Variants in C1QTNF8 observed in about 807,000 individuals in gnomAD.
The protein encoded by C1QTNF8 is complement C1q tumor necrosis factor-related protein 8.
A neutral mutation model predicts 19.2 loss-of-function variants in C1QTNF8; 27 were observed. That is an observed-to-expected ratio of 1.41 (90% CI 1.04 to 1.94). The LOEUF (loss-of-function observed/expected upper bound fraction) is 1.94. Among genes scored for constraint, C1QTNF8 ranks in the 30% most tolerant of loss-of-function variants. The pLI is 0.00. For missense variants in C1QTNF8, 484 were observed against 374.4 expected, an observed-to-expected ratio of 1.29 and a Z score of -2.42; for synonymous variants, 208 against 172.8, an observed-to-expected ratio of 1.20 and a Z score of -1.60.
At chr16:1,092,319 C>T (rs1395332591) in intron 4 of C1QTNF8, among the ~76,000 whole-genome samples, 6 of 151,888 alleles carry the variant, frequency 4.0e-5, no homozygotes, top group African/African-American at 9.7e-5. Context: ...ACACAGTCGG[C>T]GCTCAATCAA....
rs202082300 is a variant in C1QTNF8 at position 1,093,614 on chromosome 16, C to T, written c.646G>A (p.Ala216Thr). 3.7e-6 allele frequency: 6 copies of T among 1,604,750 alleles called. No individual in the cohort carries two copies. The South Asian group carries it at 5.5e-5, about 15-fold the overall frequency. The change falls in exon 4 of 5, where the codon GCC becomes ACC. Residue 216 changes from alanine to threonine, a missense_variant. Physicochemically the swap from Ala to Thr is moderately conservative, Grantham distance 58 (BLOSUM62 0). Coordinates refer to ENST00000328449, the MANE Select transcript of C1QTNF8 (RefSeq NM_207419.3). ...SLMLLLAAGD[A>T]VWVRMFQRDR... ...CGCTGGAACATGCGCACCCAGACGG[C>T]GTCGCCCGCCGCCAGCAGCAGCATC...
At chr16:1,095,150 G>A (rs1299698825) in intron 2 of C1QTNF8, among the ~76,000 whole-genome samples, 1 of 152,236 alleles carries the variant, frequency 6.6e-6, no homozygotes, top group African/African-American at 2.4e-5. Flanking sequence ...TGCACACCTG[G>A]AGTCGGGGAG....
chr16:1,092,585 C>G (rs112723055), intron 4 of C1QTNF8, among the ~76,000 whole-genome samples: 6 of 105,242 alleles, frequency 5.7e-5, no homozygotes, highest in Admixed American at 9.1e-5. Context: ...CAACCAATCC[C>G]TGCACACAGT....
chr16:1,093,866 G>T lies in C1QTNF8; in HGVS notation c.394C>A (p.His132Asn). The change falls in exon 4 of 5, where the codon CAC becomes AAC. Residue 132 changes from histidine (H) to asparagine (N), a missense_variant. By Grantham distance (68) the His-to-Asn change is moderately conservative. Transcript: ENST00000328449. Reference protein sequence around the residue: ...GRREGLHSSDHFQAVPFDTEL... With the variant: ...GRREGLHSSDNFQAVPFDTEL... ...GTGTCGAAGGGCACCGCCTGGAAGTGGTCGGAGCTGTGCAGGCCCTCGCGC... is the reference window on the plus strand; with the variant it reads ...GTGTCGAAGGGCACCGCCTGGAAGTTGTCGGAGCTGTGCAGGCCCTCGCGC... 1.2e-6 allele frequency: 2 copies of T among 1,600,522 alleles called. No individual in the cohort carries two copies. Among genetic ancestry groups the T allele is most frequent in the South Asian group, 2.2e-5 (2 of 90,886 alleles).
rs568278375 is a variant in C1QTNF8, at chr16:1,089,583, C to G, written c.*1016G>C. On this transcript the variant is annotated 3_prime_UTR_variant, in exon 5 of 5. Transcript: ENST00000328449. ...CGGGCTCTGTGTGGGGTGGGCGGGA[C>G]GTGGCTGCAGCCTGGCTCTGCCTGC... is the stretch of plus-strand genomic sequence containing the variant. Among the ~76,000 whole-genome samples the G allele has an allele frequency of 1.3e-5, 2 of 152,310 alleles. No individual in the cohort carries two copies. Among genetic ancestry groups the G allele is most frequent in the East Asian group, 3.9e-4 (2 of 5,168 alleles).
rs758823535 is a variant in C1QTNF8, at chr16:1,093,525, CAGGTGGCCGCTGAAGGTGATGTAG to C, written c.711_734del (p.Tyr238_Leu245del). The C allele has an allele frequency of 3.9e-6, 6 of 1,549,880 alleles. No individual in the cohort carries two copies. The South Asian group carries it at 7.1e-5, about 18-fold the overall frequency. ...GCTACAGCTCGGCGGCCGGCTTGAC[CAGGTGGCCGCTGAAGGTGATGTAG>C]AGGTCTCCGTGCTCGCCGTAGATGG... On this transcript the variant is annotated inframe_deletion, in exon 4 of 5. Coordinates refer to ENST00000328449, the MANE Select transcript of C1QTNF8 (RefSeq NM_207419.3).
chr16:1,089,146 A>C lies in C1QTNF8; in HGVS notation c.*1453T>G, dbSNP rs1960492235. 6.6e-6 allele frequency among the ~76,000 whole-genome samples: 1 copy of C among 152,116 alleles called. No individual in the cohort carries two copies. Among genetic ancestry groups the C allele is most frequent in the Non-Finnish European group, 1.5e-5 (1 of 67,982 alleles). Reference sequence around the variant, plus strand: ...GTCTGGGATTCTGGGGTGCTTCCCCAGCACAGAACAGGCAGCCTGCGAGAG... The same window carrying C: ...GTCTGGGATTCTGGGGTGCTTCCCCCGCACAGAACAGGCAGCCTGCGAGAG... On this transcript the variant is annotated 3_prime_UTR_variant, in exon 5 of 5. Transcript: ENST00000328449.
At chr16:1,094,619 CT>C (rs1454696019) in intron 3 of C1QTNF8, 95 bp downstream of exon 3, 2 of 1,020,420 alleles carry the variant, frequency 2.0e-6, no homozygotes, top group African/African-American at 3.3e-5. Context: ...CAGCGTGCCC[CT>C]CCCGCCCCTC....
intron 3 of C1QTNF8, 116 bp downstream of exon 3, chr16:1,094,599 C>A: frequency 1.3e-6 from 1 of 775,650 alleles, no homozygotes; most frequent in Non-Finnish European, 2.0e-6. Context: ...CCAGGGCAGA[C>A]ACTGGTGCTC....
At chr16:1,091,224 C>A (rs982554999) in intron 4 of C1QTNF8, among the ~76,000 whole-genome samples, 1 of 152,176 alleles carries the variant, frequency 6.6e-6, no homozygotes, top group Non-Finnish European at 1.5e-5. Context: ...CATGAGCCCA[C>A]GCTGGGTGCA....
intron 2 of C1QTNF8, among the ~76,000 whole-genome samples, chr16:1,095,361 G>C (rs1488769122): frequency 6.6e-6 from 1 of 152,206 alleles, no homozygotes. Context: ...CCTGGGGTGG[G>C]GGGCCCTGCA....
In C1QTNF8 at chr16:1,096,142, G is replaced by A. The variant is rs1960682035; in HGVS notation, c.-186+14C>T. The A allele has an allele frequency of 1.3e-5, 2 of 152,318 alleles. No homozygotes were observed. Among genetic ancestry groups the A allele is most frequent in the African/African-American group, 4.8e-5 (2 of 41,470 alleles). 9.4% of individuals were successfully genotyped at this position (152,318 alleles called of 1,614,324 possible). On this transcript the variant is annotated intron_variant, in intron 1 of 4. Transcript: ENST00000328449. The stretch of plus-strand genomic sequence containing the variant: ...CCCTGTGCTTCCTGTTACCGTCTCA[G>A]GGATGCTCCCTGCCTGGCCGGCCGT...
rs1046455486 is a variant in C1QTNF8 at position 1,089,944 on chromosome 16, C to G, written c.*655G>C. 1 of 152,398 alleles carries G rather than the reference C, an allele frequency of 6.6e-6. No individual in the cohort carries two copies. Among genetic ancestry groups the G allele is most frequent in the Non-Finnish European group, 1.5e-5 (1 of 68,188 alleles). The allele number at this position is 152,398 out of a possible 1,614,324, so 9.4% of individuals were successfully genotyped here. A position where few individuals can be genotyped will look rare whatever the true frequency, so the allele number is the denominator to read the frequency against. ...GCGCCCTGGGTGTGTCCCGCTATCC[C>G]AGCCAGGAGCAGACTCAGGCCCTGG... On this transcript the variant is annotated 3_prime_UTR_variant, in exon 5 of 5. Transcript: ENST00000328449.
intron 2 of C1QTNF8, among the ~76,000 whole-genome samples, chr16:1,095,387 C>T (rs1401226332): frequency 1.3e-5 from 2 of 152,182 alleles, no homozygotes; most frequent in African/African-American, 4.8e-5. Context: ...CACAGAGGCA[C>T]CGTCTCAGCC....
rs1960626487 is a variant in C1QTNF8, at chr16:1,093,889, C to T, written c.371G>A (p.Arg124His). Residue 124 changes from arginine (R) to histidine (H), a missense_variant, in exon 4 of 5, where the codon CGC (arginine) becomes CAC (histidine). Coordinates refer to ENST00000328449, the MANE Select transcript of C1QTNF8 (RefSeq NM_207419.3). The stretch of plus-strand genomic sequence containing the variant: ...GTGGTCGGAGCTGTGCAGGCCCTCG[C>T]GCCGGCCCACGGAGAAGGCGGCGTA... ...RAYAAFSVGR[R>H]EGLHSSDHFQ... The T allele has an allele frequency of 6.4e-7, 1 of 1,567,568 alleles. No individual in the cohort carries two copies. Among genetic ancestry groups the T allele is most frequent in the Middle Eastern group, 1.7e-4 (1 of 5,800 alleles).
rs752586093 is a variant in C1QTNF8 at position 1,093,829 on chromosome 16, T to C, written c.431A>G (p.Asn144Ser). Residue 144 changes from asparagine (N) to serine (S), a missense_variant, in exon 4 of 5, where the codon AAC (asparagine) becomes AGC (serine). Physicochemically the swap from Asn to Ser is conservative, Grantham distance 46. Transcript: ENST00000328449. Reference sequence around the variant, plus strand: ...GGCCAGGTCGAAGGCGCCGTCCAGGTTCACCAGCTCCGTGTCGAAGGGCAC... The same window carrying C: ...GGCCAGGTCGAAGGCGCCGTCCAGGCTCACCAGCTCCGTGTCGAAGGGCAC... ...QAVPFDTELV[N>S]LDGAFDLAAG... 2.5e-6 allele frequency: 4 copies of C among 1,608,694 alleles called. No homozygotes were observed. Among genetic ancestry groups the C allele is most frequent in the Non-Finnish European group, 3.4e-6 (4 of 1,179,470 alleles).
chr16:1,093,156 C>T (rs2061442579), intron 4 of C1QTNF8, among the ~76,000 whole-genome samples: 1 of 147,428 alleles, frequency 6.8e-6, no homozygotes, highest in Non-Finnish European at 1.5e-5. Context: ...AGCACACAGT[C>T]GGCGCTCAAT....
chr16:1,094,055 C>T lies in C1QTNF8; in HGVS notation c.209-4G>A. The stretch of plus-strand genomic sequence containing the variant: ...ACGCCGGCCTCACCCTTCTCACCTG[C>T]AGGGGACAAACGAAAGCCACGGGTC... On this transcript the variant is annotated splice_region_variant and splice_polypyrimidine_tract_variant and intron_variant, in intron 3 of 4. Coordinates refer to ENST00000328449, the MANE Select transcript of C1QTNF8 (RefSeq NM_207419.3). 1 of 1,445,090 alleles carries T rather than the reference C, an allele frequency of 6.9e-7. No individual in the cohort carries two copies. The allele number at this position is 1,445,090 out of a possible 1,614,324, so 89.5% of individuals were successfully genotyped here. A position where few individuals can be genotyped will look rare whatever the true frequency, so the allele number is the denominator to read the frequency against.
chr16:1,091,831 G>A (rs908603965), intron 4 of C1QTNF8, among the ~76,000 whole-genome samples: 3 of 145,540 alleles, frequency 2.1e-5, no homozygotes, highest in African/African-American at 8.2e-5. Context: ...GCCACCACTA[G>A]AGCAGCCCCA....
Sources: allele counts gnomAD v4.1 joint callset (sites outside exome capture counted in the v4.1 genomes callset), GRCh38; gene constraint gnomAD v4.1.1; transcripts MANE v1.5; gene names NCBI Gene and HGNC (gene_info 2026-07-23, HGNC 2026-07-21).